Variants in EPB41L4A observed in about 807,000 individuals in gnomAD.
EPB41L4A encodes the protein band 4.1-like protein 4A.
Under a neutral mutation model 108.6 loss-of-function variants are expected in EPB41L4A, and 100 were observed. The ratio of observed to expected loss-of-function variants is 0.92; its 90% CI spans 0.78 to 1.09. EPB41L4A has a LOEUF of 1.09. EPB41L4A is among the 50% of genes least tolerant of loss of function. The pLI, the probability that EPB41L4A is intolerant of heterozygous loss-of-function variation, is 0.00. For missense variants in EPB41L4A, 1,030 were observed against 842.7 expected, an observed-to-expected ratio of 1.22 and a Z score of -2.75; for synonymous variants, 319 against 289.0, an observed-to-expected ratio of 1.10 and a Z score of -1.05.
chr5:112,171,784 T>C (rs1242669181), intron 18 of EPB41L4A, among the ~76,000 whole-genome samples: 1 of 152,230 alleles, frequency 6.6e-6, no homozygotes, highest in Non-Finnish European at 1.5e-5. Flanking sequence ...ATGATTTTTC[T>C]TCATAGTGAG....
At chr5:112,413,584 TA>T (rs1418995722) in intron 1 of EPB41L4A, among the ~76,000 whole-genome samples, 1 of 152,106 alleles carries the variant, frequency 6.6e-6, no homozygotes, top group Non-Finnish European at 1.5e-5. Context: ...TGTCCAGAAA[TA>T]ATGCATGCAG....
At chr5:112,374,100 GA>G (rs1285397750) in intron 1 of EPB41L4A, among the ~76,000 whole-genome samples, 5 of 152,218 alleles carry the variant, frequency 3.3e-5, no homozygotes, top group African/African-American at 4.8e-5. Context: ...AGTGTGGAAT[GA>G]GTGCTCAGTT....
intron 1 of EPB41L4A, among the ~76,000 whole-genome samples, chr5:112,366,514 T>C (rs1385344325): frequency 2.6e-5 from 4 of 151,904 alleles, no homozygotes; most frequent in African/African-American, 9.7e-5. Flanking sequence ...GGAGGTATCA[T>C]CAGAATCCAG....
intron 2 of EPB41L4A, among the ~76,000 whole-genome samples, chr5:112,294,657 G>A (rs939668048): frequency 1.3e-5 from 2 of 151,972 alleles, no homozygotes; most frequent in East Asian, 3.9e-4. Context: ...AACAAGAAGG[G>A]TGTTCAGGCA....
rs551356352 is a variant in EPB41L4A, at chr5:112,354,218, CTCA to C, written c.100-46731_100-46729del. On this transcript the variant is annotated intron_variant, in intron 1 of 22. Transcript: ENST00000261486. ...GCACATAAGAACTCATTATACGTTC[CTCA>C]TCATTATTCCAAATGGATGTTGGAG... Among the ~76,000 whole-genome samples, 467 of 152,254 alleles carry C rather than the reference CTCA, an allele frequency of 3.1e-3. 2 individuals are homozygous for C. The highest frequency in any genetic ancestry group is 0.011 in the African/African-American group (456 of 41,542).
At chr5:112,410,727 C>T (rs1762359056) in intron 1 of EPB41L4A, among the ~76,000 whole-genome samples, 1 of 152,078 alleles carries the variant, frequency 6.6e-6, no homozygotes, top group Admixed American at 6.6e-5. Context: ...ATCCCATTGC[C>T]CTTATCGCCC....
intron 1 of EPB41L4A, among the ~76,000 whole-genome samples, chr5:112,389,591 T>C (rs1396982628): frequency 6.6e-6 from 1 of 152,218 alleles, no homozygotes; most frequent in Non-Finnish European, 1.5e-5. Flanking sequence ...TATCTCTCTG[T>C]CCCACTTTAC....
chr5:112,382,929 T>C (rs748706616), intron 1 of EPB41L4A, among the ~76,000 whole-genome samples: 1 of 152,178 alleles, frequency 6.6e-6, no homozygotes, highest in African/African-American at 2.4e-5. Context: ...CAGACTTGAA[T>C]TGGAACTGTG....
intron 4 of EPB41L4A, among the ~76,000 whole-genome samples, chr5:112,271,753 A>G (rs948223672): frequency 6.6e-6 from 1 of 152,220 alleles, no homozygotes; most frequent in Non-Finnish European, 1.5e-5. Context: ...TAAAGAATAG[A>G]GAGATCAGAT....
chr5:112,322,333 A>G (rs960258821), intron 1 of EPB41L4A, among the ~76,000 whole-genome samples: 4 of 152,236 alleles, frequency 2.6e-5, no homozygotes, highest in Non-Finnish European at 4.4e-5. Context: ...GACTAGCTCT[A>G]GAACCTGTGC....
At chr5:112,304,587 T>C (rs1561554985) in intron 2 of EPB41L4A, among the ~76,000 whole-genome samples, 1 of 152,170 alleles carries the variant, frequency 6.6e-6, no homozygotes, top group Non-Finnish European at 1.5e-5. Flanking sequence ...AAAACTCATC[T>C]TCAAAAATCT....
intron 12 of EPB41L4A, among the ~76,000 whole-genome samples, chr5:112,227,260 C>G (rs1221437860): frequency 6.6e-6 from 1 of 152,156 alleles, no homozygotes; most frequent in Non-Finnish European, 1.5e-5. Flanking sequence ...CTCCTTACCC[C>G]TCACTCTCAA....
In EPB41L4A at chr5:112,266,269, T is replaced by G. The variant is rs1751848533; in HGVS notation, c.397A>C (p.Asn133His). Reference protein sequence around the residue: ...VLQGRLPCPVNTAAQLGAYAI... With the variant: ...VLQGRLPCPVHTAAQLGAYAI... The stretch of plus-strand genomic sequence containing the variant: ...TACGCTCCCAGCTGAGCAGCAGTGT[T>G]GACGGGACAGGGCAGACGGCCCTGA... Residue 133 changes from asparagine (N) to histidine (H), a missense_variant, in exon 5 of 23, where the codon AAC (asparagine) becomes CAC (histidine). Physicochemically the swap from Asn to His is moderately conservative, Grantham distance 68. Transcript: ENST00000261486. The G allele has an allele frequency of 2.5e-6, 4 of 1,611,284 alleles. No homozygotes were observed. The highest frequency in any genetic ancestry group is 3.4e-6 in the Non-Finnish European group (4 of 1,179,022).
At chr5:112,191,370 T>G (rs1174577746) in intron 17 of EPB41L4A, among the ~76,000 whole-genome samples, 1 of 152,160 alleles carries the variant, frequency 6.6e-6, no homozygotes, top group Non-Finnish European at 1.5e-5. Context: ...TTATTTACAG[T>G]TATATTTTCC....
chr5:112,260,223 T>G (rs1751400309), intron 7 of EPB41L4A, among the ~76,000 whole-genome samples: 1 of 152,254 alleles, frequency 6.6e-6, no homozygotes. Flanking sequence ...AAAATGAGCC[T>G]GGGCTACCAG....
At chr5:112,315,034 A>T (rs909154093) in intron 1 of EPB41L4A, among the ~76,000 whole-genome samples, 3 of 152,230 alleles carry the variant, frequency 2.0e-5, no homozygotes, top group African/African-American at 7.2e-5. Context: ...CCCAAATATC[A>T]GGGAGGGATA....
chr5:112,170,426 C>G, intron 19 of EPB41L4A, 57 bp from the exon 20 acceptor site: 1 of 1,116,838 alleles, frequency 9.0e-7, no homozygotes, highest in South Asian at 1.3e-5. Context: ...ATGCTAGTAT[C>G]TTTCACAATC....
intron 4 of EPB41L4A, among the ~76,000 whole-genome samples, chr5:112,271,614 T>C (rs937849807): frequency 6.6e-6 from 1 of 152,188 alleles, no homozygotes. Flanking sequence ...GTATGTATTA[T>C]ACTTATCAAA....
At chr5:112,418,231 T>C (rs1368993266) in intron 1 of EPB41L4A, among the ~76,000 whole-genome samples, 1 of 152,226 alleles carries the variant, frequency 6.6e-6, no homozygotes, top group East Asian at 1.9e-4. Context: ...AGGTTGTCAC[T>C]ACAAACATAC....
Sources: gnomAD v4.1 joint callset for allele counts (sites outside exome capture counted in the v4.1 genomes callset) on GRCh38, gnomAD v4.1.1 for gene constraint, MANE v1.5 for transcripts, NCBI Gene and HGNC (gene_info 2026-07-23, HGNC 2026-07-21) for gene names.